SYTL5: variants seen among roughly 807,000 people sequenced by gnomAD.
SYTL5 encodes the protein synaptotagmin like 5.
A neutral mutation model predicts 55.9 loss-of-function variants in SYTL5; 34 were observed. The observed-to-expected ratio is 0.61, with a 90% CI of 0.46 to 0.81. SYTL5 has a LOEUF of 0.81. Ranked by LOEUF, SYTL5 falls within the 30% of genes least tolerant of loss-of-function variation. The pLI is 0.00. For synonymous variants in SYTL5, 221 were observed against 188.7 expected (o/e 1.17, Z -1.40); for missense variants, 637 against 546.7 (o/e 1.17, Z -1.65).
intron 13 of SYTL5, among the ~76,000 whole-genome samples, chrX:38,118,007 G>A (rs1471080045): frequency 2.7e-5 from 3 of 111,174 alleles, no homozygotes; most frequent in African/African-American, 6.6e-5. Context: ...ATTGATGACG[G>A]TACCAAAAAA....
intron 1 of SYTL5, among the ~76,000 whole-genome samples, chrX:38,033,022 G>T (rs1404525171): frequency 1.8e-5 from 2 of 112,151 alleles, no homozygotes; most frequent in Non-Finnish European, 3.8e-5. Flanking sequence ...ACCACACCCA[G>T]CCTGTAACTT....
the SYTL5 span, among the ~76,000 whole-genome samples, chrX:37,947,034 C>T: frequency 9.9e-5 from 11 of 110,979 alleles, no homozygotes; most frequent in African/African-American, 3.3e-5. Flanking sequence ...TACTCTCTCT[C>T]TTGCCCCACT....
chrX:38,109,998 A>G (rs182258256), intron 12 of SYTL5, among the ~76,000 whole-genome samples: 13 of 111,190 alleles, frequency 1.2e-4, no homozygotes, highest in African/African-American at 3.9e-4. Flanking sequence ...TGAAAAAATA[A>G]TTAAGGAAAA....
At chrX:37,958,465 C>T in the SYTL5 span, among the ~76,000 whole-genome samples, 4 of 110,788 alleles carry the variant, frequency 3.6e-5, no homozygotes, top group Non-Finnish European at 7.6e-5. Context: ...TTCTAATTAC[C>T]TTTCAAAGAC....
the SYTL5 span, among the ~76,000 whole-genome samples, chrX:37,907,370 C>T: frequency 1.8e-5 from 2 of 111,882 alleles, no homozygotes; most frequent in African/African-American, 3.3e-5. Context: ...TAGAAAAGAA[C>T]CCTCCTTGAA....
intron 3 of SYTL5, among the ~76,000 whole-genome samples, chrX:38,065,140 A>G (rs73632450): frequency 0.081 from 9,063 of 111,531 alleles, 612 homozygotes; most frequent in South Asian, 0.2. Context: ...GAAACTTGGT[A>G]TTCTTGAACT....
At chrX:37,938,307 A>G in the SYTL5 span, among the ~76,000 whole-genome samples, 1 of 112,425 alleles carries the variant, frequency 8.9e-6, no homozygotes, top group South Asian at 3.7e-4. Flanking sequence ...CTGTAGCCCC[A>G]CTAAAGTAGA....
At chrX:37,962,627 T>C in the SYTL5 span, among the ~76,000 whole-genome samples, 2 of 111,945 alleles carry the variant, frequency 1.8e-5, no homozygotes, top group African/African-American at 6.5e-5. Flanking sequence ...TTTCTAGTTC[T>C]AGATCCTTGA....
chrX:37,945,637 G>T, the SYTL5 span, among the ~76,000 whole-genome samples: 1 of 111,715 alleles, frequency 9.0e-6, no homozygotes, highest in Non-Finnish European at 1.9e-5. Flanking sequence ...AATTCCATCT[G>T]CATCCTGTTG....
intron 10 of SYTL5, among the ~76,000 whole-genome samples, chrX:38,105,088 A>G (rs189359169): frequency 1.2e-4 from 13 of 112,714 alleles, no homozygotes; most frequent in African/African-American, 4.2e-4. Context: ...AGGACAGTCA[A>G]TCTGATAACT....
At chrX:38,058,124 G>A in intron 3 of SYTL5, among the ~76,000 whole-genome samples, 1 of 110,657 alleles carries the variant, frequency 9.0e-6, no homozygotes, top group South Asian at 3.8e-4. Context: ...AACTTATTTT[G>A]TGTGCATACT....
At chrX:38,004,806 G>A (rs1410451789), upstream of SYTL5, among the ~76,000 whole-genome samples, 1 of 110,919 alleles carries the variant, frequency 9.0e-6, no homozygotes, top group Non-Finnish European at 1.9e-5. Flanking sequence ...GGGGAAGTAG[G>A]GAGGATTAAT....
chrX:38,123,668 T>C (rs1937597044), intron 15 of SYTL5, among the ~76,000 whole-genome samples: 1 of 112,356 alleles, frequency 8.9e-6, no homozygotes, highest in Admixed American at 9.4e-5. Flanking sequence ...CGTGGCCACA[T>C]TGTGACCTTG....
At chrX:38,064,067 ATG>A (rs10593206) in intron 3 of SYTL5, among the ~76,000 whole-genome samples, 25,148 of 99,752 alleles carry the variant, frequency 0.25, 2,776 homozygotes, top group African/African-American at 0.43. Flanking sequence ...ACATATATAT[ATG>A]TGTGTGTGTG....
Position 38,127,555 on chromosome X carries a change from G to A in SYTL5, c.*825G>A, listed in dbSNP as rs1937686739. 1 of 111,856 alleles carries A rather than the reference G, an allele frequency of 8.9e-6. No homozygotes were observed. The highest frequency in any genetic ancestry group is 1.9e-5 in the Non-Finnish European group (1 of 53,144). The allele number at this position is 111,856 out of a possible 1,213,427, so 9.2% of individuals were successfully genotyped here. ...ACGAGACTAGTTTAATGAAAAAGGA[G>A]GTACTCTACCTGCTATTTTACTTCT... On this transcript the variant is annotated 3_prime_UTR_variant, in exon 17 of 17. Coordinates refer to ENST00000297875, the MANE Select transcript of SYTL5 (RefSeq NM_138780.3).
intron 3 of SYTL5, among the ~76,000 whole-genome samples, chrX:38,055,002 C>G (rs752819339): frequency 4.6e-4 from 51 of 111,466 alleles, no homozygotes; most frequent in Non-Finnish European, 8.3e-4. Context: ...CAGGCATGAG[C>G]CACTGCACCC....
chrX:38,104,608 T>C (rs1448689326), intron 10 of SYTL5, among the ~76,000 whole-genome samples: 2 of 111,957 alleles, frequency 1.8e-5, no homozygotes, highest in Admixed American at 9.4e-5. Context: ...TGTTCTTTGG[T>C]CAGTCTCTAC....
At chrX:37,991,168 T>C in the SYTL5 span, 11 of 1,210,262 alleles carry the variant, frequency 9.1e-6, no homozygotes, top group Non-Finnish European at 1.2e-5. Flanking sequence ...TTTGATGAGA[T>C]GCCCAAATCC....
chrX:37,907,474 C>A, the SYTL5 span, among the ~76,000 whole-genome samples: 1 of 112,156 alleles, frequency 8.9e-6, no homozygotes, highest in African/African-American at 3.2e-5. Flanking sequence ...CCAATGTCGT[C>A]CCCGGGGAGC....
Sources: gnomAD v4.1 joint callset for allele counts (sites outside exome capture counted in the v4.1 genomes callset) on GRCh38, gnomAD v4.1.1 for gene constraint, MANE v1.5 for transcripts, NCBI Gene and HGNC (gene_info 2026-07-23, HGNC 2026-07-21) for gene names.